CSMD1: variants seen among roughly 807,000 people sequenced by gnomAD.
CSMD1 encodes the protein CUB and sushi domain-containing protein 1.
In CSMD1, 213 loss-of-function variants were observed where a neutral mutation model predicts 417.5. That is an observed-to-expected ratio of 0.51 (90% CI 0.46 to 0.57). The LOEUF (loss-of-function observed/expected upper bound fraction) is 0.57. Ranked by LOEUF, CSMD1 falls within the 20% of genes least tolerant of loss-of-function variation. The pLI is 0.00. For synonymous variants in CSMD1, 2,862 were observed against 1,736.8 expected, an observed-to-expected ratio of 1.65 and a Z score of -16.11; for missense variants, 6,923 against 4,529.7, an observed-to-expected ratio of 1.53 and a Z score of -15.17.
rs541053822 is a variant in CSMD1 at position 4,149,136 on chromosome 8, C to T, written c.416-117037G>A. ...GTACCACCACACCCAGCTAATTTTTCTATTTTTAGTAGAGACAGGGTTTTC... is the reference window on the plus strand; with the variant it reads ...GTACCACCACACCCAGCTAATTTTTTTATTTTTAGTAGAGACAGGGTTTTC... On this transcript the variant is annotated intron_variant, in intron 3 of 69. Coordinates refer to ENST00000635120, the MANE Select transcript of CSMD1 (RefSeq NM_033225.6). Among the ~76,000 whole-genome samples the T allele has an allele frequency of 3.9e-5, 6 of 151,942 alleles. No individual in the cohort carries two copies. The East Asian group carries it at 1.2e-3, about 30-fold the overall frequency.
At chr8:3,753,764 T>C (rs549213144) in intron 6 of CSMD1, among the ~76,000 whole-genome samples, 166 bp downstream of exon 6, 3 of 152,240 alleles carry the variant, frequency 2.0e-5, no homozygotes, top group African/African-American at 7.2e-5. Flanking sequence ...GCTTTACTAA[T>C]AAGTTCCCAG....
rs577521243 is a variant in CSMD1 at position 4,133,736 on chromosome 8, G to T, written c.416-101637C>A. Among the ~76,000 whole-genome samples, 916 of 152,018 alleles carry T rather than the reference G, an allele frequency of 6.0e-3. 3 individuals are homozygous for T. The highest frequency in any genetic ancestry group is 9.4e-3 in the Non-Finnish European group (641 of 67,970). On this transcript the variant is annotated intron_variant, in intron 3 of 69. Coordinates refer to ENST00000635120, the MANE Select transcript of CSMD1 (RefSeq NM_033225.6). ...AATCTCAAGACTGTTTATGGTTATG[G>T]TTTTTTTTATTATTTTATATCCCTG... is the stretch of plus-strand genomic sequence containing the variant.
In CSMD1 at chr8:3,789,922, G is replaced by A. The variant is rs577133597; in HGVS notation, c.819-35880C>T. On this transcript the variant is annotated intron_variant, in intron 5 of 69. Transcript: ENST00000635120. ...AATTTTTTGTATTTTCAGTAGAGAC[G>A]GGGTTTCACCATGTTAGCCAGGATG... Among the ~76,000 whole-genome samples, 7 of 151,952 alleles carry A rather than the reference G, an allele frequency of 4.6e-5. No individual in the cohort carries two copies. The East Asian group carries it at 5.8e-4, about 13-fold the overall frequency.
intron 3 of CSMD1, among the ~76,000 whole-genome samples, chr8:4,296,200 C>T (rs1025806904): frequency 5.9e-5 from 9 of 152,098 alleles, no homozygotes; most frequent in African/African-American, 1.7e-4. Context: ...GTCCTCAACT[C>T]ATCTCCAGCT....
intron 56 of CSMD1, 150 bp from the exon 57 acceptor site, chr8:2,973,449 ATTTC>A: frequency 1.2e-6 from 1 of 800,310 alleles, no homozygotes; most frequent in South Asian, 1.9e-5. Context: ...GTAAGAAAGA[ATTTC>A]TTTGTGATAG....
At chr8:4,050,477 A>C (rs1448368966) in intron 3 of CSMD1, among the ~76,000 whole-genome samples, 3 of 152,130 alleles carry the variant, frequency 2.0e-5, no homozygotes, top group Non-Finnish European at 4.4e-5. Context: ...GCATACGATG[A>C]ATTTTAATTG....
intron 6 of CSMD1, among the ~76,000 whole-genome samples, chr8:3,740,639 T>G (rs1796751096): frequency 6.6e-6 from 1 of 152,010 alleles, no homozygotes; most frequent in East Asian, 1.9e-4. Flanking sequence ...AAGAGACAAA[T>G]GTAGGGACCT....
intron 39 of CSMD1, among the ~76,000 whole-genome samples, chr8:3,155,685 G>T (rs569004984): frequency 2.6e-5 from 4 of 151,960 alleles, no homozygotes; most frequent in Non-Finnish European, 5.9e-5. Flanking sequence ...GATTTTAAAC[G>T]TCTGTAAAAG....
At chr8:4,766,859 T>A (rs1022840464) in intron 1 of CSMD1, among the ~76,000 whole-genome samples, 1 of 152,234 alleles carries the variant, frequency 6.6e-6, no homozygotes, top group Non-Finnish European at 1.5e-5. Flanking sequence ...TATGTATAAA[T>A]ATATAAATAT....
At chr8:4,165,336 G>A (rs753776004) in intron 3 of CSMD1, among the ~76,000 whole-genome samples, 7 of 152,218 alleles carry the variant, frequency 4.6e-5, no homozygotes, top group East Asian at 1.9e-4. Flanking sequence ...GCGCAAACAC[G>A]TGGTGTCCCA....
intron 5 of CSMD1, among the ~76,000 whole-genome samples, chr8:3,879,035 G>A (rs1414075825): frequency 2.6e-5 from 4 of 152,134 alleles, no homozygotes; most frequent in Admixed American, 2.0e-4. Flanking sequence ...TACCTCTGAA[G>A]TTTGGATAGT....
intron 8 of CSMD1, among the ~76,000 whole-genome samples, chr8:3,604,870 C>T (rs1308586202): frequency 2.0e-5 from 3 of 152,158 alleles, no homozygotes; most frequent in Non-Finnish European, 4.4e-5. Flanking sequence ...CTAGCTACCT[C>T]CACGCTCTGT....
intron 3 of CSMD1, among the ~76,000 whole-genome samples, chr8:4,083,886 C>T (rs972129002): frequency 2.0e-5 from 3 of 152,150 alleles, no homozygotes; most frequent in Non-Finnish European, 2.9e-5. Flanking sequence ...AAAGAAACTA[C>T]CACCAGAGTG....
At chr8:4,060,065 T>C (rs559246803) in intron 3 of CSMD1, among the ~76,000 whole-genome samples, 1 of 152,114 alleles carries the variant, frequency 6.6e-6, no homozygotes, top group Non-Finnish European at 1.5e-5. Flanking sequence ...GCAAACCGAA[T>C]CCAGCAGCAC....
chr8:3,312,307 C>T (rs1343723310), intron 23 of CSMD1, among the ~76,000 whole-genome samples: 2 of 152,096 alleles, frequency 1.3e-5, no homozygotes, highest in Non-Finnish European at 2.9e-5. Flanking sequence ...TTTATATGAC[C>T]AGCTGTCTCC....
rs184862614 is a variant in CSMD1, at chr8:4,246,247, C to T, written c.415+173706G>A. The stretch of plus-strand genomic sequence containing the variant: ...GTTCATGAGCTCTCATCATTTAGAT[C>T]TTACTTATACATGATAACTTGTGCT... On this transcript the variant is annotated intron_variant, in intron 3 of 69. Transcript: ENST00000635120. Among the ~76,000 whole-genome samples, 26 of 152,242 alleles carry T rather than the reference C, an allele frequency of 1.7e-4. No homozygotes were observed. The East Asian group carries it at 4.8e-3, about 28-fold the overall frequency.
At chr8:4,374,169 T>TC (rs1200720288) in intron 3 of CSMD1, among the ~76,000 whole-genome samples, 4 of 152,090 alleles carry the variant, frequency 2.6e-5, no homozygotes, top group East Asian at 3.9e-4. Flanking sequence ...CCCTTTTAGA[T>TC]CCCCCCTCTG....
At chr8:3,190,982 A>C (rs1796385980) in intron 33 of CSMD1, among the ~76,000 whole-genome samples, 1 of 152,168 alleles carries the variant, frequency 6.6e-6, no homozygotes, top group Admixed American at 6.5e-5. Flanking sequence ...GGAAAATGGG[A>C]AGCAACTGTT....
intron 4 of CSMD1, among the ~76,000 whole-genome samples, chr8:4,011,735 T>C (rs1052284937): frequency 6.6e-6 from 1 of 152,166 alleles, no homozygotes; most frequent in African/African-American, 2.4e-5. Flanking sequence ...ATCAGCATAC[T>C]TTTTTCTCAT....
Sources: gnomAD v4.1 joint callset for allele counts (sites outside exome capture counted in the v4.1 genomes callset) on GRCh38, gnomAD v4.1.1 for gene constraint, MANE v1.5 for transcripts, NCBI Gene and HGNC (gene_info 2026-07-23, HGNC 2026-07-21) for gene names.